SMC2: variants seen among roughly 807,000 people sequenced by gnomAD.
SMC2 encodes structural maintenance of chromosomes 2, also known as structural maintenance of chromosomes protein 2.
A neutral mutation model predicts 142.6 loss-of-function variants in SMC2; 41 were observed. The observed-to-expected ratio is 0.29, with a 90% confidence interval of 0.22 to 0.37. The LOEUF is 0.37. Ranked by LOEUF, SMC2 falls within the 10% of genes least tolerant of loss-of-function variation. SMC2 has a pLI of 1.00. For synonymous variants in SMC2, 463 were observed against 457.5 expected (o/e 1.01, Z -0.15); for missense variants, 1,265 against 1,373.7 (o/e 0.92, Z 1.25).
intron 9 of SMC2, among the ~76,000 whole-genome samples, chr9:104,107,663 A>G (rs1431268199): frequency 6.6e-6 from 1 of 152,192 alleles, no homozygotes; most frequent in Non-Finnish European, 1.5e-5. Flanking sequence ...TGCCACCAGC[A>G]CCAACAATTT....
upstream of SMC2, chr9:104,092,074 G>T (rs1156459184): frequency 1.3e-5 from 2 of 152,224 alleles, no homozygotes; most frequent in Non-Finnish European, 2.9e-5. Flanking sequence ...TTGTGCCTTG[G>T]TTTTTTCCAC....
intron 9 of SMC2, among the ~76,000 whole-genome samples, chr9:104,104,763 A>G (rs1831558328): frequency 6.6e-6 from 1 of 152,212 alleles, no homozygotes; most frequent in South Asian, 2.1e-4. Context: ...ACTTCTCTGA[A>G]GCTGAAGGAG....
At chr9:104,123,693 T>G (rs1312377596) in intron 17 of SMC2, among the ~76,000 whole-genome samples, 2 of 152,192 alleles carry the variant, frequency 1.3e-5, no homozygotes, top group East Asian at 3.9e-4. Flanking sequence ...TTCTCATGCT[T>G]AAGAGTCCTA....
At chr9:104,096,103 G>A (rs751605164) in intron 2 of SMC2, 45 bp from the exon 3 acceptor site, 53 of 1,577,216 alleles carry the variant, frequency 3.4e-5, no homozygotes, top group Non-Finnish European at 4.3e-5. Context: ...TGCTTTGTAC[G>A]GTAGGGAGTT....
At position 104,096,216 on chromosome 9, in the gene SMC2, G is replaced by A; in HGVS notation, c.237G>A (p.Val79=). Residue 79 remains valine (V), a synonymous_variant, in exon 3 of 25, where the codon GTG becomes GTA. Transcript: ENST00000374793. ...NGQAGITKAS[V]SITFDNSDKK... The stretch of plus-strand genomic sequence containing the variant: ...AGGCTGGTATTACCAAAGCCTCTGT[G>A]TCAATCACTTTTGATAATTCTGACA... The A allele has an allele frequency of 6.2e-7, 1 of 1,613,920 alleles. No individual in the cohort carries two copies. The highest frequency in any genetic ancestry group is 1.1e-5 in the South Asian group (1 of 91,076).
chr9:104,114,943 T>G, intron 13 of SMC2, 114 bp downstream of exon 13: 1 of 761,662 alleles, frequency 1.3e-6, no homozygotes. Context: ...GGTGACTTAT[T>G]TATAGGGTAA....
chr9:104,099,696 T>C lies in SMC2; in HGVS notation c.480+14T>C, dbSNP rs762659726. On this transcript the variant is annotated intron_variant, in intron 5 of 24. Coordinates refer to ENST00000374793, the MANE Select transcript of SMC2 (RefSeq NM_006444.3). ...AAACCTCCAGAGGTAAGAGTACTAT[T>C]TATGGACATTAAAAATAGTTGGTAT... The C allele has an allele frequency of 2.7e-6, 4 of 1,467,810 alleles. No homozygotes were observed. Among genetic ancestry groups the C allele is most frequent in the Non-Finnish European group, 3.8e-6 (4 of 1,050,724 alleles). The allele number at this position is 1,467,810 out of a possible 1,614,324, so 90.9% of individuals were successfully genotyped here.
chr9:104,117,994 T>G (rs186530292), intron 14 of SMC2, among the ~76,000 whole-genome samples, 177 bp from the exon 15 acceptor site: 2 of 151,186 alleles, frequency 1.3e-5, no homozygotes, highest in South Asian at 2.1e-4. Context: ...AAACCTGCAG[T>G]TTTTTTTTCC....
chr9:104,116,533 C>CTGT (rs200339451), intron 14 of SMC2, among the ~76,000 whole-genome samples: 8,601 of 142,122 alleles, frequency 0.061, 641 homozygotes, highest in African/African-American at 0.2. Flanking sequence ...ATTAGAATGT[C>CTGT]CTTTTTAACC....
chr9:104,093,811 T>A (rs1830157632), upstream of SMC2, among the ~76,000 whole-genome samples: 1 of 50,580 alleles, frequency 2.0e-5, no homozygotes, highest in South Asian at 7.3e-4. Flanking sequence ...GGACGGTGCC[T>A]CTCTGGCCCC....
chr9:104,130,671 T>C (rs749949310), intron 21 of SMC2, among the ~76,000 whole-genome samples: 7 of 152,154 alleles, frequency 4.6e-5, no homozygotes, highest in Admixed American at 6.6e-5. Context: ...ATGCAGGTAT[T>C]GTGATCTCTC....
chr9:104,113,595 A>G, intron 11 of SMC2, 120 bp downstream of exon 11: 1 of 725,176 alleles, frequency 1.4e-6, no homozygotes, highest in Non-Finnish European at 2.1e-6. Flanking sequence ...AACAAGCATT[A>G]GTATAAGAAG....
rs1835866221 is a variant in SMC2, at chr9:104,139,280, G to T, written c.3559G>T (p.Ala1187Ser). The T allele has an allele frequency of 1.3e-6, 2 of 1,599,994 alleles. No individual in the cohort carries two copies. The highest frequency in any genetic ancestry group is 1.7e-6 in the Non-Finnish European group (2 of 1,175,324). ...GATTTCAAAGGAAGCAAAATCCAAG[G>T]CAAAACCACCCAAAGGAGCACATGT... ...GKISKEAKSKAKPPKGAHVEV is the reference protein window; with the variant it reads ...GKISKEAKSKSKPPKGAHVEV Residue 1187 changes from alanine (A) to serine (S), a missense_variant, in exon 25 of 25, where the codon GCA becomes TCA. Ala to Ser is a moderately conservative substitution (Grantham distance 99). This residue lies in a region of SMC2 where 192 missense variants were observed against 261.9 expected (regional missense o/e 0.73). Transcript: ENST00000374793.
chr9:104,134,406 T>C lies in SMC2; in HGVS notation c.3109-9T>C. The C allele has an allele frequency of 6.4e-7, 1 of 1,560,660 alleles. No individual in the cohort carries two copies. The highest frequency in any genetic ancestry group is 8.6e-7 in the Non-Finnish European group (1 of 1,157,736). On this transcript the variant is annotated splice_polypyrimidine_tract_variant and intron_variant, in intron 22 of 24. Coordinates refer to ENST00000374793, the MANE Select transcript of SMC2 (RefSeq NM_006444.3). ...CTGATGTTTTAACTTTTTTATTTTT[T>C]AAATCCAGGTGAACAAGGACTTTGG...
intron 20 of SMC2, 100 bp from the exon 21 acceptor site, chr9:104,129,545 C>A: frequency 1.1e-6 from 1 of 931,160 alleles, no homozygotes; most frequent in Non-Finnish European, 1.7e-6. Flanking sequence ...TTTTCCTCTT[C>A]AGTATTTGAT....
chr9:104,094,760 C>T (rs979358347), intron 1 of SMC2: 73 of 226,602 alleles, frequency 3.2e-4, no homozygotes, highest in Middle Eastern at 1.4e-3. Flanking sequence ...TAAATGACTT[C>T]CCCTCCTCCC....
intron 12 of SMC2, 103 bp from the exon 13 acceptor site, chr9:104,114,588 C>T: frequency 1.9e-6 from 2 of 1,033,602 alleles, no homozygotes; most frequent in Non-Finnish European, 2.7e-6. Context: ...ATTCTACTTT[C>T]ATTTCACTTT....
chr9:104,126,981 C>A (rs974312648), intron 19 of SMC2, among the ~76,000 whole-genome samples, 197 bp downstream of exon 19: 1 of 151,992 alleles, frequency 6.6e-6, no homozygotes, highest in Non-Finnish European at 1.5e-5. Context: ...AGTCCCTCTT[C>A]TTCCTCACTT....
At chr9:104,131,443 A>G (rs1415141528) in intron 21 of SMC2, among the ~76,000 whole-genome samples, 1 of 152,122 alleles carries the variant, frequency 6.6e-6, no homozygotes. Context: ...TGGTGCAGCA[A>G]GCCATCATGG....
Sources: gnomAD v4.1 joint callset for allele counts (sites outside exome capture counted in the v4.1 genomes callset) on GRCh38, gnomAD v4.1.1 for gene constraint, gnomAD v4.1.1 regional missense constraint, MANE v1.5 for transcripts, NCBI Gene and HGNC (gene_info 2026-07-23, HGNC 2026-07-21) for gene names.